The following RNF111 variants were observed in gnomAD, a reference collection of about 807,000 sequenced individuals.
RNF111 encodes ring finger protein 111, also known as E3 ubiquitin-protein ligase Arkadia.
RNF111 carries 17 observed loss-of-function variants against 95.1 expected under a neutral mutation model. The observed-to-expected ratio is 0.18, with a 90% CI of 0.12 to 0.27. The LOEUF is 0.27. Ranked by LOEUF, RNF111 falls within the 10% of genes least tolerant of loss-of-function variation. The probability of loss-of-function intolerance (pLI) is 1.00; values close to 1 mark genes in which losing one functional copy is unlikely to be tolerated. For missense variants in RNF111, 1,189 were observed against 1,210.4 expected, an observed-to-expected ratio of 0.98 and a Z score of 0.26; for synonymous variants, 440 against 414.8, an observed-to-expected ratio of 1.06 and a Z score of -0.74.
At chr15:59,072,188 T>C (rs936208950) in intron 6 of RNF111, among the ~76,000 whole-genome samples, 4 of 152,210 alleles carry the variant, frequency 2.6e-5, no homozygotes, top group Admixed American at 6.5e-5. Context: ...CTGATGAAAG[T>C]GGTGGTACCT....
At chr15:59,008,239 CAA>C (rs2039629669) in intron 1 of RNF111, among the ~76,000 whole-genome samples, 3 of 152,198 alleles carry the variant, frequency 2.0e-5, no homozygotes, top group South Asian at 2.1e-4. Context: ...TTTTTGGAGA[CAA>C]GAGTCTTTCT....
Position 59,076,144 on chromosome 15 carries a change from T to C in RNF111, c.1877T>C (p.Val626Ala). 1 of 1,614,040 alleles carries C rather than the reference T, an allele frequency of 6.2e-7. No individual in the cohort carries two copies. The highest frequency in any genetic ancestry group is 8.5e-7 in the Non-Finnish European group (1 of 1,180,022). ...SSIDGYGSSM[V>A]AQPQPQPPPQ... is the part of the protein sequence containing the mutation. ...ATAGATGGCTATGGATCAAGCATGG[T>C]TGCGCAGCCCCAGCCCCAGCCCCCT... Residue 626 changes from valine (V) to alanine (A), a missense_variant, in exon 7 of 14, where the codon GTT (valine) becomes GCT (alanine). Coordinates refer to ENST00000348370, the MANE Select transcript of RNF111 (RefSeq NM_017610.8).
chr15:59,079,294 C>T (rs1437522693), intron 7 of RNF111, among the ~76,000 whole-genome samples: 1 of 152,184 alleles, frequency 6.6e-6, no homozygotes, highest in African/African-American at 2.4e-5. Flanking sequence ...GGATAGTTAA[C>T]AATCATAAAA....
At chr15:59,082,951 C>T (rs1025806723) in intron 8 of RNF111, among the ~76,000 whole-genome samples, 4 of 152,060 alleles carry the variant, frequency 2.6e-5, no homozygotes, top group Non-Finnish European at 5.9e-5. Context: ...GCAAAATCTG[C>T]AATTGTGTTA....
At chr15:59,051,390 G>A (rs551128150) in intron 2 of RNF111, among the ~76,000 whole-genome samples, 1 of 150,994 alleles carries the variant, frequency 6.6e-6, no homozygotes, top group Non-Finnish European at 1.5e-5. Context: ...CCCAGGAGGC[G>A]GAGCTTGCAG....
At chr15:59,092,677 A>C in intron 13 of RNF111, 37 bp downstream of exon 13, 1 of 1,560,502 alleles carries the variant, frequency 6.4e-7, no homozygotes, top group Non-Finnish European at 8.7e-7. Flanking sequence ...CCATTGTCAA[A>C]ACTGTACATG....
intron 11 of RNF111, 92 bp downstream of exon 11, chr15:59,089,851 C>A: frequency 1.3e-6 from 1 of 772,818 alleles, no homozygotes; most frequent in Non-Finnish European, 2.1e-6. Context: ...TGTAGGACTG[C>A]TACAGTGGCT....
chr15:59,071,537 A>G (rs959216041), intron 6 of RNF111, among the ~76,000 whole-genome samples: 20 of 151,934 alleles, frequency 1.3e-4, no homozygotes, highest in Non-Finnish European at 2.4e-4. Flanking sequence ...AAACAAAAAA[A>G]CAAAAATTAG....
rs1426683908 is a variant in RNF111, at chr15:59,017,308, C to T, written c.-19-13496C>T. On this transcript the variant is annotated intron_variant, in intron 1 of 13. Coordinates refer to ENST00000348370, the MANE Select transcript of RNF111 (RefSeq NM_017610.8). Reference sequence around the variant, plus strand: ...TAAATGCGTCATTCAGCATATGTGACAATGCTTATTCATAAGAGAAACACC... The same window carrying T: ...TAAATGCGTCATTCAGCATATGTGATAATGCTTATTCATAAGAGAAACACC... Among the ~76,000 whole-genome samples the T allele has an allele frequency of 2.0e-5, 3 of 152,118 alleles. No individual in the cohort carries two copies. In the South Asian group the frequency reaches 6.2e-4, roughly 31 times the overall value.
chr15:59,031,330 T>C lies in RNF111; in HGVS notation c.508T>C (p.Leu170=), dbSNP rs762555811. The C allele has an allele frequency of 6.2e-7, 1 of 1,614,156 alleles. No homozygotes were observed. Among genetic ancestry groups the C allele is most frequent in the Non-Finnish European group, 8.5e-7 (1 of 1,180,004 alleles). ...CTCTGTAAGACATTCCCAGACCATT[T>C]TGAATGCTAAAAGTAGAAGCCATAG... ...EVSVRHSQTI[L]NAKSRSHSAR... The change falls in exon 2 of 14, where the codon TTG becomes CTG. Residue 170 remains leucine, a synonymous_variant. Coordinates refer to ENST00000348370, the MANE Select transcript of RNF111 (RefSeq NM_017610.8).
At chr15:59,063,944 C>T (rs1212110100) in intron 5 of RNF111, among the ~76,000 whole-genome samples, 1 of 152,092 alleles carries the variant, frequency 6.6e-6, no homozygotes, top group African/African-American at 2.4e-5. Flanking sequence ...ATGCAATACA[C>T]AATAAATGAT....
chr15:59,027,980 C>T (rs1418079053), intron 1 of RNF111, among the ~76,000 whole-genome samples: 1 of 152,006 alleles, frequency 6.6e-6, no homozygotes, highest in Non-Finnish European at 1.5e-5. Context: ...TGCACGCCAC[C>T]ATGCCCGGAT....
At chr15:59,059,109 C>A (rs1397075522) in intron 5 of RNF111, among the ~76,000 whole-genome samples, 2 of 152,074 alleles carry the variant, frequency 1.3e-5, no homozygotes, top group African/African-American at 4.8e-5. Flanking sequence ...GAAACCCTAT[C>A]TCTATTTATA....
intron 7 of RNF111, among the ~76,000 whole-genome samples, chr15:59,079,630 A>G (rs1171685769): frequency 6.6e-6 from 1 of 151,642 alleles, no homozygotes; most frequent in Non-Finnish European, 1.5e-5. Context: ...AATAAAATGA[A>G]ATTTGTATTG....
intron 8 of RNF111, among the ~76,000 whole-genome samples, chr15:59,082,132 G>T (rs1199578215): frequency 6.6e-6 from 1 of 152,188 alleles, no homozygotes; most frequent in East Asian, 1.9e-4. Context: ...CTAAGAAATT[G>T]ATTCTTTGCT....
intron 6 of RNF111, among the ~76,000 whole-genome samples, chr15:59,071,471 G>T (rs1317107113): frequency 1.3e-5 from 2 of 151,932 alleles, no homozygotes; most frequent in Non-Finnish European, 2.9e-5. Flanking sequence ...TCGCTTGACC[G>T]CAAGAGTTCG....
chr15:59,042,325 C>T (rs1198246683), intron 2 of RNF111, among the ~76,000 whole-genome samples: 1 of 152,074 alleles, frequency 6.6e-6, no homozygotes, highest in Non-Finnish European at 1.5e-5. Context: ...TGAGGTTTTG[C>T]CATGTTGCCC....
At chr15:59,051,173 G>C (rs991602443) in intron 2 of RNF111, among the ~76,000 whole-genome samples, 1 of 152,142 alleles carries the variant, frequency 6.6e-6, no homozygotes, top group Non-Finnish European at 1.5e-5. Flanking sequence ...CAAATTTTGC[G>C]CCTGGTGCGG....
chr15:59,067,241 C>CT (rs60929391), intron 6 of RNF111, among the ~76,000 whole-genome samples, 158 bp downstream of exon 6: 2,014 of 141,236 alleles, frequency 0.014, 34 homozygotes, highest in African/African-American at 0.034. Flanking sequence ...CCTCCGTTTC[C>CT]TTTTTTTTTT....
Sources: gnomAD v4.1 joint callset for allele counts (sites outside exome capture counted in the v4.1 genomes callset) on GRCh38, gnomAD v4.1.1 for gene constraint, MANE v1.5 for transcripts, NCBI Gene and HGNC (gene_info 2026-07-23, HGNC 2026-07-21) for gene names.